The following IL1R1 variants were observed in gnomAD, a reference collection of about 807,000 sequenced individuals.
IL1R1 encodes interleukin-1 receptor type 1.
Under a neutral mutation model 50.2 loss-of-function variants are expected in IL1R1, and 22 were observed. That is an observed-to-expected ratio of 0.44 (90% CI 0.31 to 0.63). IL1R1 has a LOEUF of 0.63. Among genes scored for constraint, IL1R1 ranks in the 20% least tolerant of loss-of-function variants. The pLI is 0.07. For missense variants in IL1R1, 509 were observed against 676.2 expected, an observed-to-expected ratio of 0.75 and a Z score of 2.74; for synonymous variants, 251 against 236.7, an observed-to-expected ratio of 1.06 and a Z score of -0.55.
intron 1 of IL1R1, among the ~76,000 whole-genome samples, chr2:102,121,192 T>C (rs1031792092): frequency 1.8e-4 from 27 of 152,292 alleles, no homozygotes; most frequent in African/African-American, 6.5e-4. Flanking sequence ...GTCTGGGACA[T>C]CCAGCCACCC....
At chr2:102,172,106 A>G (rs1685737930) in intron 8 of IL1R1, 188 bp downstream of exon 8, 1 of 208,784 alleles carries the variant, frequency 4.8e-6, no homozygotes, top group African/African-American at 2.6e-5. Flanking sequence ...GGTAAAAAAT[A>G]CTTGTCATTG....
upstream of IL1R1, among the ~76,000 whole-genome samples, chr2:102,100,146 A>G (rs1680078656): frequency 6.6e-6 from 1 of 152,230 alleles, no homozygotes; most frequent in Non-Finnish European, 1.5e-5. Context: ...CTTTTGGCCA[A>G]TGCCAATTTG....
chr2:102,099,833 A>G (rs1257371719), upstream of IL1R1, among the ~76,000 whole-genome samples: 3 of 152,176 alleles, frequency 2.0e-5, no homozygotes, highest in Admixed American at 6.5e-5. Flanking sequence ...GAGGTTAGGG[A>G]ACTAAGAATG....
chr2:102,116,171 T>C (rs901241237), intron 1 of IL1R1, among the ~76,000 whole-genome samples: 3 of 152,238 alleles, frequency 2.0e-5, no homozygotes, highest in Non-Finnish European at 4.4e-5. Context: ...AATGCATTGC[T>C]GCTTTCGACA....
rs1451284558 is a variant in IL1R1, at chr2:102,178,289, C to G, written c.*1530C>G. 1 of 152,354 alleles carries G rather than the reference C, an allele frequency of 6.6e-6. No individual in the cohort carries two copies. The highest frequency in any genetic ancestry group is 2.4e-5 in the African/African-American group (1 of 41,440). The allele number at this position is 152,354 out of a possible 1,614,324, so 9.4% of individuals were successfully genotyped here. ...GCACATCTGGGAGGCTGGTCTCCCTCCAGCTGGAATTGCTGCTCTCTGAGG... is the reference window on the plus strand; with the variant it reads ...GCACATCTGGGAGGCTGGTCTCCCTGCAGCTGGAATTGCTGCTCTCTGAGG... On this transcript the variant is annotated 3_prime_UTR_variant, in exon 12 of 12. Transcript: ENST00000410023.
intron 1 of IL1R1, among the ~76,000 whole-genome samples, chr2:102,076,247 G>A (rs1678951874): frequency 6.7e-6 from 1 of 148,934 alleles, no homozygotes; most frequent in African/African-American, 2.5e-5. Context: ...GTGTGATCTC[G>A]GCTCACTGCA....
upstream of IL1R1, among the ~76,000 whole-genome samples, chr2:102,140,413 A>T (rs6758647): frequency 0.026 from 3,980 of 152,322 alleles, 114 homozygotes; most frequent in African/African-American, 0.069. Flanking sequence ...CCCTCAGGGG[A>T]CAGGGTCTCA....
At chr2:102,111,828 T>C (rs1401413813) in intron 1 of IL1R1, among the ~76,000 whole-genome samples, 1 of 152,102 alleles carries the variant, frequency 6.6e-6, no homozygotes, top group African/African-American at 2.4e-5. Flanking sequence ...TCTGACATCC[T>C]TTTCTCCAGG....
chr2:102,087,193 C>T (rs1262540831), intron 1 of IL1R1, among the ~76,000 whole-genome samples: 1 of 152,154 alleles, frequency 6.6e-6, no homozygotes, highest in Non-Finnish European at 1.5e-5. Context: ...TCTAAGGCTT[C>T]AGTAAGTTGT....
chr2:102,088,343 A>G (rs181382743), intron 1 of IL1R1, among the ~76,000 whole-genome samples: 4 of 152,286 alleles, frequency 2.6e-5, no homozygotes, highest in Admixed American at 2.6e-4. Context: ...AAAAACATTA[A>G]TCTCTTTTTA....
chr2:102,115,581 G>A (rs1681025203), intron 1 of IL1R1, among the ~76,000 whole-genome samples: 1 of 152,170 alleles, frequency 6.6e-6, no homozygotes, highest in South Asian at 2.1e-4. Flanking sequence ...ATCAGAGAGG[G>A]GGAGATGAAA....
rs770585535 is a variant in IL1R1 at position 102,175,697 on chromosome 2, T to C, written c.1303+52T>C. On this transcript the variant is annotated intron_variant, in intron 11 of 11. Coordinates refer to ENST00000410023, the MANE Select transcript of IL1R1 (RefSeq NM_000877.4). ...GGCTTATTGTTGTAAAACTACTTAG[T>C]AAAATGTGGATTCCATCTTTCTAGA... 5 of 1,534,688 alleles carry C rather than the reference T, an allele frequency of 3.3e-6. No homozygotes were observed. In the East Asian group the frequency reaches 9.0e-5, roughly 28 times the overall value.
Position 102,176,948 on chromosome 2 carries a change from G to T in IL1R1, c.*189G>T. Reference sequence around the variant, plus strand: ...CAATAGCAGCCCAGGGCACTTCAGAGTAGAGGGCTTGGGAAGATCTTTTAA... The same window carrying T: ...CAATAGCAGCCCAGGGCACTTCAGATTAGAGGGCTTGGGAAGATCTTTTAA... On this transcript the variant is annotated 3_prime_UTR_variant, in exon 12 of 12. Transcript: ENST00000410023. 1 of 600,836 alleles carries T rather than the reference G, an allele frequency of 1.7e-6. No homozygotes were observed. Among genetic ancestry groups the T allele is most frequent in the South Asian group, 2.2e-5 (1 of 45,142 alleles). The allele number at this position is 600,836 out of a possible 1,614,324, so 37.2% of individuals were successfully genotyped here.
chr2:102,134,796 C>G (rs1238227949), intron 1 of IL1R1, among the ~76,000 whole-genome samples: 1 of 152,222 alleles, frequency 6.6e-6, no homozygotes, highest in Non-Finnish European at 1.5e-5. Flanking sequence ...GGAAGAAACT[C>G]TCATCCTAGT....
At chr2:102,089,332 G>A (rs1167869386) in intron 1 of IL1R1, among the ~76,000 whole-genome samples, 2 of 152,168 alleles carry the variant, frequency 1.3e-5, no homozygotes, top group Non-Finnish European at 2.9e-5. Context: ...ACAGAGAGAT[G>A]GGGGAGTAGC....
At chr2:102,092,373 A>T (rs1201036518) in intron 1 of IL1R1, among the ~76,000 whole-genome samples, 1 of 151,866 alleles carries the variant, frequency 6.6e-6, no homozygotes, top group Non-Finnish European at 1.5e-5. Flanking sequence ...TTTGATTCTT[A>T]AAAAAAATAC....
intron 7 of IL1R1, among the ~76,000 whole-genome samples, chr2:102,168,994 C>T (rs568298623): frequency 4.7e-5 from 7 of 149,580 alleles, no homozygotes; most frequent in Middle Eastern, 3.4e-3. Context: ...TTTTTTTTCA[C>T]AGAGTTAAAA....
intron 7 of IL1R1, 102 bp downstream of exon 7, chr2:102,168,765 A>G: frequency 1.2e-6 from 1 of 830,258 alleles, no homozygotes; most frequent in Non-Finnish European, 1.9e-6. Context: ...TAAGCCATTT[A>G]CTGTATAAAT....
In IL1R1 at chr2:102,165,147, G is replaced by A. The variant is rs148561869; in HGVS notation, c.329G>A (p.Ser110Asn). 3 of 1,579,598 alleles carry A rather than the reference G, an allele frequency of 1.9e-6. No individual in the cohort carries two copies. Among genetic ancestry groups the A allele is most frequent in the African/African-American group, 2.8e-5 (2 of 72,648 alleles). Residue 110 changes from serine (S) to asparagine (N), a missense_variant, in exon 5 of 12, where the codon AGT (serine) becomes AAT (asparagine). Physicochemically the swap from Ser to Asn is conservative, Grantham distance 46. Coordinates refer to ENST00000410023, the MANE Select transcript of IL1R1 (RefSeq NM_000877.4). ...NSSYCLRIKI[S>N]AKFVENEPNL... ...TCTTACTGCCTCAGAATTAAAATAA[G>A]TGCAAAATTTGTGGAGAATGAGCCT...
Sources: gnomAD v4.1 joint callset for allele counts (sites outside exome capture counted in the v4.1 genomes callset) on GRCh38, gnomAD v4.1.1 for gene constraint, MANE v1.5 for transcripts, NCBI Gene and HGNC (gene_info 2026-07-23, HGNC 2026-07-21) for gene names.